GLIS3: variants seen among roughly 807,000 people sequenced by gnomAD.
GLIS3 encodes zinc finger protein GLIS3.
A neutral mutation model predicts 78.6 loss-of-function variants in GLIS3; 53 were observed. The ratio of observed to expected loss-of-function variants is 0.67; its 90% CI spans 0.54 to 0.85. GLIS3 has a LOEUF of 0.85. GLIS3 is among the 40% of genes least tolerant of loss of function. The pLI is 0.00. For missense variants in GLIS3, 1,703 were observed against 1,231.1 expected (o/e 1.38, Z -5.74); for synonymous variants, 684 against 509.9 (o/e 1.34, Z -4.60).
rs150853146 is a variant in GLIS3, at chr9:4,347,375, G to T, written n.162-192C>A. 3.7e-3 allele frequency among the ~76,000 whole-genome samples: 570 copies of T among 152,108 alleles called. 9 individuals are homozygous for T. The highest frequency in any genetic ancestry group is 1.9e-3 in the East Asian group (10 of 5,150). On this transcript the variant is annotated intron_variant and non_coding_transcript_variant, in intron 1 of 4. Transcript: ENST00000471664. ...ATTAGGCTCCACCTCCAACATATGG[G>T]ATCACATTTCAACATGAAGTTTAGG...
the GLIS3 span, among the ~76,000 whole-genome samples, chr9:4,392,726 T>A: frequency 1.3e-5 from 2 of 152,254 alleles, no homozygotes; most frequent in Non-Finnish European, 2.9e-5. Flanking sequence ...TGTTTCTGAA[T>A]GAATTAATTA....
At chr9:4,476,910 A>G in the GLIS3 span, among the ~76,000 whole-genome samples, 1 of 152,362 alleles carries the variant, frequency 6.6e-6, no homozygotes, top group East Asian at 1.9e-4. Context: ...AGAAAATATA[A>G]TAACAAATAT....
At chr9:4,253,356 G>A (rs377205330) in intron 2 of GLIS3, among the ~76,000 whole-genome samples, 3 of 152,248 alleles carry the variant, frequency 2.0e-5, no homozygotes, top group Non-Finnish European at 2.9e-5. Context: ...CTTTGCCAAG[G>A]TGCAGTGGGC....
chr9:3,838,470 A>G (rs938291226), intron 9 of GLIS3, among the ~76,000 whole-genome samples: 13 of 152,138 alleles, frequency 8.5e-5, no homozygotes, highest in African/African-American at 3.1e-4. Flanking sequence ...GAATAAAGGA[A>G]GGTTTGCTGA....
intron 6 of GLIS3, among the ~76,000 whole-genome samples, chr9:3,914,989 GTA>G (rs1824406129): frequency 6.8e-6 from 1 of 147,754 alleles, no homozygotes. Flanking sequence ...TCTGAGCACT[GTA>G]TGTCTTAGAG....
chr9:4,302,929 AG>A (rs1817128660), upstream of GLIS3, among the ~76,000 whole-genome samples: 1 of 152,180 alleles, frequency 6.6e-6, no homozygotes, highest in Admixed American at 6.5e-5. Context: ...TAAGCAAAGG[AG>A]ACCATTTCAA....
At chr9:4,396,460 T>A in the GLIS3 span, among the ~76,000 whole-genome samples, 10 of 152,170 alleles carry the variant, frequency 6.6e-5, no homozygotes, top group African/African-American at 2.2e-4. Flanking sequence ...ATACAAACAT[T>A]TCATCATCCT....
the GLIS3 span, among the ~76,000 whole-genome samples, chr9:4,396,336 G>C: frequency 6.6e-6 from 1 of 151,892 alleles, no homozygotes; most frequent in African/African-American, 2.4e-5. Context: ...TCTCGAGTTG[G>C]CCAGGCTGAT....
chr9:4,208,444 G>A (rs1389451798), intron 2 of GLIS3, among the ~76,000 whole-genome samples: 1 of 152,164 alleles, frequency 6.6e-6, no homozygotes, highest in Non-Finnish European at 1.5e-5. Flanking sequence ...TCCAGAGAGT[G>A]GTCTTAAGAA....
chr9:4,290,007 C>T (rs1022654932), intron 1 of GLIS3, among the ~76,000 whole-genome samples: 1 of 152,052 alleles, frequency 6.6e-6, no homozygotes, highest in African/African-American at 2.4e-5. Context: ...ACCCAAGGCT[C>T]CAGGCACTGC....
At chr9:4,015,642 C>T (rs547916057) in intron 4 of GLIS3, among the ~76,000 whole-genome samples, 1 of 152,248 alleles carries the variant, frequency 6.6e-6, no homozygotes, top group East Asian at 1.9e-4. Flanking sequence ...AATCCCAGCA[C>T]TTTGGGAGGC....
At chr9:4,159,731 AAAG>A (rs929115609) in intron 2 of GLIS3, among the ~76,000 whole-genome samples, 8 of 151,876 alleles carry the variant, frequency 5.3e-5, no homozygotes, top group South Asian at 4.2e-4. Context: ...AAGAAAAAAA[AAAG>A]AAAGAAAAGA....
chr9:3,928,160 A>G (rs1825377856), intron 6 of GLIS3, among the ~76,000 whole-genome samples: 1 of 152,240 alleles, frequency 6.6e-6, no homozygotes, highest in Admixed American at 6.5e-5. Flanking sequence ...CGTCACGTGC[A>G]TTCTAATATA....
chr9:4,123,333 T>A (rs1049875755), intron 3 of GLIS3, among the ~76,000 whole-genome samples: 1 of 152,150 alleles, frequency 6.6e-6, no homozygotes, highest in African/African-American at 2.4e-5. Flanking sequence ...GTTTATAAAT[T>A]GCTAGTGAGT....
At chr9:3,860,715 C>A (rs535509693) in intron 8 of GLIS3, among the ~76,000 whole-genome samples, 1 of 152,186 alleles carries the variant, frequency 6.6e-6, no homozygotes, top group African/African-American at 2.4e-5. Flanking sequence ...AAATTCCCCA[C>A]CTTTTCCCAG....
intron 4 of GLIS3, among the ~76,000 whole-genome samples, chr9:3,951,292 A>C (rs1182002969): frequency 6.6e-6 from 1 of 152,226 alleles, no homozygotes; most frequent in African/African-American, 2.4e-5. Flanking sequence ...GTAGTAAAGC[A>C]ACTTAAGAAC....
chr9:4,363,001 G>T, the GLIS3 span, among the ~76,000 whole-genome samples: 1 of 151,560 alleles, frequency 6.6e-6, no homozygotes, highest in Non-Finnish European at 1.5e-5. Flanking sequence ...GAGGAAAAGA[G>T]AAGAGAGGAG....
Position 3,828,427 on chromosome 9 carries a change from A to G in GLIS3, c.2657-19T>C, listed in dbSNP as rs1249457417. On this transcript the variant is annotated intron_variant, in intron 10 of 10. Transcript: ENST00000381971. ...TCATACACTGGAAGAGAAAGAACGCAGTTAAGTCAGTAACTCCTGCCCCAT... is the reference window on the plus strand; with the variant it reads ...TCATACACTGGAAGAGAAAGAACGCGGTTAAGTCAGTAACTCCTGCCCCAT... The G allele has an allele frequency of 6.2e-6, 10 of 1,612,008 alleles. No homozygotes were observed. Among genetic ancestry groups the G allele is most frequent in the Admixed American group, 1.7e-5 (1 of 60,000 alleles).
chr9:4,300,956 G>C (rs755017542), upstream of GLIS3, among the ~76,000 whole-genome samples: 3 of 152,118 alleles, frequency 2.0e-5, no homozygotes, highest in South Asian at 2.1e-4. Flanking sequence ...AATTTCACAA[G>C]TCCTTATATT....
Sources: gnomAD v4.1 joint callset for allele counts (sites outside exome capture counted in the v4.1 genomes callset) on GRCh38, gnomAD v4.1.1 for gene constraint, MANE v1.5 for transcripts, NCBI Gene and HGNC (gene_info 2026-07-23, HGNC 2026-07-21) for gene names.